The following RNF19A variants were observed in gnomAD, a reference collection of about 807,000 sequenced individuals.
RNF19A encodes the protein E3 ubiquitin-protein ligase RNF19A.
In RNF19A, 32 loss-of-function variants were observed where a neutral mutation model predicts 75.7. The ratio of observed to expected loss-of-function variants is 0.42; its 90% CI spans 0.32 to 0.57. RNF19A has a LOEUF of 0.57. Ranked by LOEUF, RNF19A falls within the 20% of genes least tolerant of loss-of-function variation. RNF19A has a pLI of 0.10. For synonymous variants in RNF19A, 335 were observed against 345.2 expected, an observed-to-expected ratio of 0.97 and a Z score of 0.33; for missense variants, 782 against 1,036.3, an observed-to-expected ratio of 0.75 and a Z score of 3.37.
chr8:100,294,407 T>C (rs1430053704), intron 1 of RNF19A, among the ~76,000 whole-genome samples: 2 of 152,172 alleles, frequency 1.3e-5, no homozygotes, highest in African/African-American at 4.8e-5. Flanking sequence ...AAAATCTCTA[T>C]TTAGATTTTT....
chr8:100,267,560 G>C (rs1820042560), intron 5 of RNF19A, among the ~76,000 whole-genome samples: 1 of 151,940 alleles, frequency 6.6e-6, no homozygotes, highest in Non-Finnish European at 1.5e-5. Flanking sequence ...TTGAGAGATG[G>C]GGTCTCACTA....
At chr8:100,288,360 C>T in intron 1 of RNF19A, 93 bp from the exon 2 acceptor site, 1 of 876,116 alleles carries the variant, frequency 1.1e-6, no homozygotes, top group South Asian at 3.2e-5. Flanking sequence ...AAGTATGTTT[C>T]TTAACCATTA....
intron 2 of RNF19A, among the ~76,000 whole-genome samples, chr8:100,280,425 G>T (rs898569419): frequency 1.3e-5 from 2 of 152,096 alleles, no homozygotes; most frequent in African/African-American, 4.8e-5. Context: ...AGAGAGAAAA[G>T]GAGAGTTTAG....
chr8:100,274,451 C>CA (rs1181841797), intron 3 of RNF19A, among the ~76,000 whole-genome samples: 3 of 152,154 alleles, frequency 2.0e-5, no homozygotes, highest in African/African-American at 7.2e-5. Flanking sequence ...ATTTATGTTA[C>CA]AAAAGTATTA....
intron 3 of RNF19A, among the ~76,000 whole-genome samples, chr8:100,270,238 A>T (rs1017615172): frequency 6.6e-6 from 1 of 152,172 alleles, no homozygotes; most frequent in African/African-American, 2.4e-5. Flanking sequence ...CATAGTAGTA[A>T]AACAATGAGA....
At chr8:100,277,654 A>G (rs1037936095) in intron 2 of RNF19A, among the ~76,000 whole-genome samples, 4 of 152,190 alleles carry the variant, frequency 2.6e-5, no homozygotes. Context: ...CTCTATCCAG[A>G]TATGTTCAAA....
intron 2 of RNF19A, among the ~76,000 whole-genome samples, chr8:100,285,838 T>G (rs761846418): frequency 9.2e-5 from 14 of 152,030 alleles, no homozygotes; most frequent in Non-Finnish European, 1.5e-4. Context: ...GAGGAATGTA[T>G]GAAGCACCTC....
In RNF19A at chr8:100,259,361, C is replaced by T; in HGVS notation, c.1827-115G>A. ...GACTATATATAAGCTATGAGAACAC[C>T]TTAACGCAGAACACGTTCTACTTAA... On this transcript the variant is annotated intron_variant, in intron 9 of 9. Coordinates refer to ENST00000341084, the MANE Select transcript of RNF19A (RefSeq NM_183419.4). The surrounding 1 kb of genome is among the most constrained non-coding windows in gnomAD (Gnocchi z 4.5). 1.3e-6 allele frequency: 1 copy of T among 756,998 alleles called. No individual in the cohort carries two copies. The highest frequency in any genetic ancestry group is 1.8e-5 in the South Asian group (1 of 57,070). The allele number at this position is 756,998 out of a possible 1,614,324, so 46.9% of individuals were successfully genotyped here. A position where few individuals can be genotyped will look rare whatever the true frequency, so the allele number is the denominator to read the frequency against.
chr8:100,259,276 T>C lies in RNF19A; in HGVS notation c.1827-30A>G. On this transcript the variant is annotated intron_variant, in intron 9 of 9. Transcript: ENST00000341084. This position sits in a 1 kb window ranked among gnomAD's most constrained non-coding sequence, Gnocchi z 4.5. Reference sequence around the variant, plus strand: ...AATATAAGAGTAACAAATACAAACATAATTGCTGACTTCTTTTTGTTCAGA... The same window carrying C: ...AATATAAGAGTAACAAATACAAACACAATTGCTGACTTCTTTTTGTTCAGA... 6.5e-7 allele frequency: 1 copy of C among 1,547,754 alleles called. No homozygotes were observed. Among genetic ancestry groups the C allele is most frequent in the Non-Finnish European group, 8.8e-7 (1 of 1,139,632 alleles).
intron 1 of RNF19A, among the ~76,000 whole-genome samples, chr8:100,320,446 C>A (rs1822450566): frequency 6.6e-6 from 1 of 152,158 alleles, no homozygotes; most frequent in African/African-American, 2.4e-5. Flanking sequence ...TGCCTAGAAG[C>A]AGAATTACTG....
In RNF19A at chr8:100,264,439, G is replaced by T; in HGVS notation, c.1306+232C>A. ...GATGCAAACTTTTTTCTTTTGAAGT[G>T]CCAGGCCTCCGAACTGTACTTGGGG... On this transcript the variant is annotated intron_variant, in intron 6 of 9. Coordinates refer to ENST00000341084, the MANE Select transcript of RNF19A (RefSeq NM_183419.4). This position sits in a 1 kb window ranked among gnomAD's most constrained non-coding sequence, Gnocchi z 4.7. The T allele has an allele frequency of 1.7e-6, 1 of 573,332 alleles. No individual in the cohort carries two copies. Among genetic ancestry groups the T allele is most frequent in the Non-Finnish European group, 3.0e-6 (1 of 327,998 alleles). 35.5% of individuals were successfully genotyped at this position (573,332 alleles called of 1,614,324 possible).
chr8:100,320,295 A>G (rs891079477), intron 1 of RNF19A, among the ~76,000 whole-genome samples: 1 of 152,342 alleles, frequency 6.6e-6, no homozygotes, highest in Non-Finnish European at 1.5e-5. Flanking sequence ...TTAAAAAACA[A>G]CAACAACAAC....
chr8:100,269,112 T>C lies in RNF19A; in HGVS notation c.1029-165A>G, dbSNP rs1820133733. 6.6e-6 allele frequency among the ~76,000 whole-genome samples: 1 copy of C among 151,140 alleles called. No homozygotes were observed. The highest frequency in any genetic ancestry group is 1.5e-5 in the Non-Finnish European group (1 of 67,766). On this transcript the variant is annotated intron_variant, in intron 4 of 9. Coordinates refer to ENST00000341084, the MANE Select transcript of RNF19A (RefSeq NM_183419.4). The surrounding 1 kb of genome is among the most constrained non-coding windows in gnomAD (Gnocchi z 5.7). ...AAACTAAGGTAAGAACCACTATAAA[T>C]TATATTAACAAGATATTGATATATC...
chr8:100,265,124 G>C (rs971954601), intron 5 of RNF19A, among the ~76,000 whole-genome samples: 1 of 152,140 alleles, frequency 6.6e-6, no homozygotes, highest in African/African-American at 2.4e-5. Flanking sequence ...ACAGTTATGA[G>C]TTACATGGTT....
chr8:100,259,872 G>A lies in RNF19A; in HGVS notation c.1808C>T (p.Ser603Phe). ...TCCTTACTTGTCCAATGGGATGTAG[G>A]AATTCAGAATGGATCCTGCCATTGC... is the stretch of plus-strand genomic sequence containing the variant. ...TKAMAGSILNSYIPLDKEGNS... is the reference protein window; with the variant it reads ...TKAMAGSILNFYIPLDKEGNS... The change falls in exon 9 of 10, where the codon TCC becomes TTC. Residue 603 changes from serine to phenylalanine, a missense_variant. By Grantham distance (155) the Ser-to-Phe change is radical. Around this residue, in one of 7 missense-constraint regions of RNF19A, gnomAD observed 442 missense variants for 541.6 expected, o/e 0.82. Transcript: ENST00000341084. The surrounding 1 kb of genome is among the most constrained non-coding windows in gnomAD (Gnocchi z 4.5). 1 of 1,612,622 alleles carries A rather than the reference G, an allele frequency of 6.2e-7. No homozygotes were observed. The highest frequency in any genetic ancestry group is 8.5e-7 in the Non-Finnish European group (1 of 1,179,458).
intron 2 of RNF19A, among the ~76,000 whole-genome samples, chr8:100,285,744 C>T (rs554938834): frequency 4.6e-5 from 7 of 151,912 alleles, no homozygotes; most frequent in Admixed American, 1.3e-4. Context: ...GTTACCTTCC[C>T]GTCTTGGCCT....
At chr8:100,271,358 C>T (rs1820244696) in intron 3 of RNF19A, among the ~76,000 whole-genome samples, 1 of 152,124 alleles carries the variant, frequency 6.6e-6, no homozygotes, top group Non-Finnish European at 1.5e-5. Context: ...CAATTTTAAA[C>T]ATTGGGGTAT....
In RNF19A at chr8:100,264,562, G is replaced by C. The variant is rs189830969; in HGVS notation, c.1306+109C>G. The C allele has an allele frequency of 6.9e-5, 50 of 728,654 alleles. No homozygotes were observed. In the African/African-American group the frequency reaches 7.1e-4, roughly 10 times the overall value. The allele number at this position is 728,654 out of a possible 1,614,324, so 45.1% of individuals were successfully genotyped here. The stretch of plus-strand genomic sequence containing the variant: ...ATACTTTCAACCAAGACTTACTGCA[G>C]GCTCAATTTAAATTGTCCTCAAATT... On this transcript the variant is annotated intron_variant, in intron 6 of 9. Coordinates refer to ENST00000341084, the MANE Select transcript of RNF19A (RefSeq NM_183419.4). This position sits in a 1 kb window ranked among gnomAD's most constrained non-coding sequence, Gnocchi z 4.7.
At position 100,287,047 on chromosome 8, in the gene RNF19A, G is replaced by T. The variant is rs180961670; in HGVS notation, c.674+454C>A. ...ATGAACACATCATACTGTGGCACATGCTAAGGTAGGTACCTTTCAAAAGGG... is the reference window on the plus strand; with the variant it reads ...ATGAACACATCATACTGTGGCACATTCTAAGGTAGGTACCTTTCAAAAGGG... On this transcript the variant is annotated intron_variant, in intron 2 of 9. Coordinates refer to ENST00000341084, the MANE Select transcript of RNF19A (RefSeq NM_183419.4). This position sits in a 1 kb window ranked among gnomAD's most constrained non-coding sequence, Gnocchi z 4.1. 1.2e-4 allele frequency among the ~76,000 whole-genome samples: 19 copies of T among 152,180 alleles called. 1 individual carries two copies. The East Asian group carries it at 3.7e-3, about 29-fold the overall frequency.
Sources: gnomAD v4.1 joint callset for allele counts (sites outside exome capture counted in the v4.1 genomes callset) on GRCh38, gnomAD v4.1.1 for gene constraint, gnomAD v4.1.1 regional missense constraint, Gnocchi (gnomAD v3.1) non-coding constraint, MANE v1.5 for transcripts, NCBI Gene and HGNC (gene_info 2026-07-23, HGNC 2026-07-21) for gene names.